IFFO2: variants seen among roughly 807,000 people sequenced by gnomAD.
IFFO2 encodes the protein intermediate filament family orphan 2.
IFFO2 carries 19 observed loss-of-function variants against 53.5 expected under a neutral mutation model. That is an observed-to-expected ratio of 0.36 (90% CI 0.25 to 0.52). The LOEUF is 0.52. Ranked by LOEUF, IFFO2 falls within the 20% of genes least tolerant of loss-of-function variation. The pLI is 0.94. For missense variants in IFFO2, 570 were observed against 727.4 expected (o/e 0.78, Z 2.49); for synonymous variants, 303 against 313.6 (o/e 0.97, Z 0.36).
At chr1:18,908,763 T>C (rs1355900996) in intron 8 of IFFO2, 97 bp from the exon 9 acceptor site, 1 of 849,768 alleles carries the variant, frequency 1.2e-6, no homozygotes, top group African/African-American at 1.7e-5. Context: ...CTATAAGATC[T>C]ACTCTCAGAG....
In IFFO2 at chr1:18,916,952, C is replaced by T. The variant is rs6675316; in HGVS notation, c.1054G>A (p.Val352Ile). Reference sequence around the variant, plus strand: ...TCATCGGTGATGTTCATGGAGCCGACCTCATCGTCCGAGAACCGGTTCACC... The same window carrying T: ...TCATCGGTGATGTTCATGGAGCCGATCTCATCGTCCGAGAACCGGTTCACC... ...GEVNRFSDDE[V>I]GSMNITDEMK... The change falls in exon 5 of 9, where the codon GTC (valine) becomes ATC (isoleucine). Residue 352 changes from valine (V) to isoleucine (I), a missense_variant. Transcript: ENST00000455833. This position sits in a 1 kb window ranked among gnomAD's most constrained non-coding sequence, Gnocchi z 4.3. The T allele has an allele frequency of 1.5e-3, 2,336 of 1,551,986 alleles. 35 individuals are homozygous for T. The African/African-American group carries it at 0.027, about 18-fold the overall frequency.
At chr1:18,944,578 C>T (rs185718253) in intron 1 of IFFO2, among the ~76,000 whole-genome samples, 39 of 152,256 alleles carry the variant, frequency 2.6e-4, no homozygotes, top group African/African-American at 9.4e-4. Flanking sequence ...GATGTCAAGA[C>T]CCTACCCCCA....
intron 1 of IFFO2, among the ~76,000 whole-genome samples, chr1:18,925,824 A>AT (rs1491587911): frequency 1.3e-5 from 1 of 74,668 alleles, no homozygotes; most frequent in African/African-American, 5.6e-5. Flanking sequence ...GGATGGATGG[A>AT]TGGATGGATG....
At position 18,955,570 on chromosome 1, in the gene IFFO2, C is replaced by T. The variant is rs540996426; in HGVS notation, c.665+98G>A. On this transcript the variant is annotated intron_variant, in intron 1 of 8. Coordinates refer to ENST00000455833, the MANE Select transcript of IFFO2 (RefSeq NM_001136265.2). ...ACAGCTTCCAGCCCACCTGCCAGTA[C>T]CAGCTGCCCGCCCGGCCCCCGTCCC... 361 of 1,441,224 alleles carry T rather than the reference C, an allele frequency of 2.5e-4. 1 individual carries two copies. The African/African-American group carries it at 4.7e-3, about 19-fold the overall frequency. 89.3% of individuals were successfully genotyped at this position (1,441,224 alleles called of 1,614,324 possible). A position where few individuals can be genotyped will look rare whatever the true frequency, so the allele number is the denominator to read the frequency against.
rs1321984793 is a variant in IFFO2 at position 18,906,467 on chromosome 1, A to C, written c.*2094T>G. 1 of 152,096 alleles carries C rather than the reference A, an allele frequency of 6.6e-6. No individual in the cohort carries two copies. The highest frequency in any genetic ancestry group is 6.5e-5 in the Admixed American group (1 of 15,270). 9.4% of individuals were successfully genotyped at this position (152,096 alleles called of 1,614,324 possible). On this transcript the variant is annotated 3_prime_UTR_variant, in exon 9 of 9. Coordinates refer to ENST00000455833, the MANE Select transcript of IFFO2 (RefSeq NM_001136265.2). ...GCTGCCCACGAAACTCCCATACCAC[A>C]TTGTCCAATGCCTCCCTCGGCCCTG...
rs974822773 is a variant in IFFO2 at position 18,912,101 on chromosome 1, G to A, written c.1104-18C>T. On this transcript the variant is annotated intron_variant, in intron 5 of 8. Coordinates refer to ENST00000455833, the MANE Select transcript of IFFO2 (RefSeq NM_001136265.2). ...TCTCCCGCCTGTGGGGGTGACACCA[G>A]AGGGCATGACTGAACAGAAGGCAGG... is the stretch of plus-strand genomic sequence containing the variant. 5 of 1,551,304 alleles carry A rather than the reference G, an allele frequency of 3.2e-6. No homozygotes were observed. In the African/African-American group the frequency reaches 5.5e-5, roughly 17 times the overall value.
At chr1:18,942,518 C>T (rs1325308619) in intron 1 of IFFO2, among the ~76,000 whole-genome samples, 1 of 152,184 alleles carries the variant, frequency 6.6e-6, no homozygotes, top group African/African-American at 2.4e-5. Flanking sequence ...AGATTGTCAT[C>T]CCCATTTTAC....
intron 1 of IFFO2, among the ~76,000 whole-genome samples, chr1:18,942,759 G>A (rs1249895811): frequency 6.6e-6 from 1 of 152,146 alleles, no homozygotes; most frequent in African/African-American, 2.4e-5. Context: ...GTTAATTCTG[G>A]CTCTGCCAGC....
rs1035362447 is a variant in IFFO2 at position 18,904,934 on chromosome 1, T to A, written c.*3627A>T. ...CTTCTGCTCCAGCTGCCTGACCACCTGGGACCCGCAAAGGCCCAGGCTCCA... is the reference window on the plus strand; with the variant it reads ...CTTCTGCTCCAGCTGCCTGACCACCAGGGACCCGCAAAGGCCCAGGCTCCA... On this transcript the variant is annotated 3_prime_UTR_variant, in exon 9 of 9. Coordinates refer to ENST00000455833, the MANE Select transcript of IFFO2 (RefSeq NM_001136265.2). 1 of 152,244 alleles carries A rather than the reference T, an allele frequency of 6.6e-6. No individual in the cohort carries two copies. The highest frequency in any genetic ancestry group is 1.5e-5 in the Non-Finnish European group (1 of 68,088). 9.4% of individuals were successfully genotyped at this position (152,244 alleles called of 1,614,324 possible).
chr1:18,914,607 A>G (rs897007625), intron 5 of IFFO2, among the ~76,000 whole-genome samples: 1 of 152,088 alleles, frequency 6.6e-6, no homozygotes, highest in African/African-American at 2.4e-5. Context: ...ACTTTAGGAC[A>G]GGAGTTTGAG....
rs1936210714 is a variant in IFFO2, at chr1:18,921,108, G to C, written c.679C>G (p.Leu227Val). ...DEYKRRWEEE[L>V]AKRMNLQTMV... ...GTCTGAAGGTTCATGCGCTTGGCGA[G>C]CTCCTCCTCCCACCTGCAAAAGCCA... The change falls in exon 2 of 9, where the codon CTC becomes GTC. Residue 227 changes from leucine (L) to valine (V), a missense_variant. Coordinates refer to ENST00000455833, the MANE Select transcript of IFFO2 (RefSeq NM_001136265.2). 1 of 1,551,928 alleles carries C rather than the reference G, an allele frequency of 6.4e-7. No individual in the cohort carries two copies.
chr1:18,934,838 G>T (rs1936424330), intron 1 of IFFO2, among the ~76,000 whole-genome samples: 1 of 152,182 alleles, frequency 6.6e-6, no homozygotes, highest in African/African-American at 2.4e-5. Flanking sequence ...GCAGGTGGCT[G>T]CAGGGCCACT....
chr1:18,938,633 C>T (rs1936479762), intron 1 of IFFO2, among the ~76,000 whole-genome samples: 1 of 152,184 alleles, frequency 6.6e-6, no homozygotes, highest in African/African-American at 2.4e-5. Flanking sequence ...GGCCTTGAGC[C>T]CATCCCTGCA....
At chr1:18,944,074 C>T (rs962676422) in intron 1 of IFFO2, among the ~76,000 whole-genome samples, 2 of 152,158 alleles carry the variant, frequency 1.3e-5, no homozygotes, top group African/African-American at 2.4e-5. Context: ...GGGTTCCGGC[C>T]CCTGCTCTGT....
rs1422816803 is a variant in IFFO2, at chr1:18,928,078, C to T, written c.666-6957G>A. 2.0e-5 allele frequency among the ~76,000 whole-genome samples: 3 copies of T among 152,220 alleles called. No homozygotes were observed. The highest frequency in any genetic ancestry group is 2.9e-5 in the Non-Finnish European group (2 of 68,032). On this transcript the variant is annotated intron_variant, in intron 1 of 8. Coordinates refer to ENST00000455833, the MANE Select transcript of IFFO2 (RefSeq NM_001136265.2). This position sits in a 1 kb window ranked among gnomAD's most constrained non-coding sequence, Gnocchi z 4.9. ...ACTGATGCACGTGTGGATGCCTTGCCTCCTGACTTTCTCTCCCACATGGCA... is the reference window on the plus strand; with the variant it reads ...ACTGATGCACGTGTGGATGCCTTGCTTCCTGACTTTCTCTCCCACATGGCA...
chr1:18,936,131 T>A lies in IFFO2; in HGVS notation c.666-15010A>T, dbSNP rs1015682570. 7.2e-5 allele frequency among the ~76,000 whole-genome samples: 11 copies of A among 152,070 alleles called. No homozygotes were observed. Among genetic ancestry groups the A allele is most frequent in the Admixed American group, 1.3e-4 (2 of 15,272 alleles). Reference sequence around the variant, plus strand: ...GATTAAAAAGGCCCAGTAAGTGTCATCTCCAGGGCCTTCTCTAGGAGATCC... The same window carrying A: ...GATTAAAAAGGCCCAGTAAGTGTCAACTCCAGGGCCTTCTCTAGGAGATCC... On this transcript the variant is annotated intron_variant, in intron 1 of 8. Transcript: ENST00000455833. This position sits in a 1 kb window ranked among gnomAD's most constrained non-coding sequence, Gnocchi z 4.5.
At position 18,918,551 on chromosome 1, in the gene IFFO2, T is replaced by C; in HGVS notation, c.823-49A>G. The C allele has an allele frequency of 6.5e-7, 1 of 1,540,336 alleles. No individual in the cohort carries two copies. The highest frequency in any genetic ancestry group is 8.8e-7 in the Non-Finnish European group (1 of 1,138,008). On this transcript the variant is annotated intron_variant, in intron 3 of 8. Transcript: ENST00000455833. The surrounding 1 kb of genome is among the most constrained non-coding windows in gnomAD (Gnocchi z 5.2). The stretch of plus-strand genomic sequence containing the variant: ...ACATGAGCGAGGGATGGAGCAAGCC[T>C]GGGGGGCTTGGCAGAGAGGTGGGGA...
intron 8 of IFFO2, among the ~76,000 whole-genome samples, 151 bp from the exon 9 acceptor site, chr1:18,908,817 T>A (rs1394114977): frequency 6.6e-6 from 1 of 152,116 alleles, no homozygotes; most frequent in Admixed American, 6.5e-5. Flanking sequence ...ATCCTTAAGA[T>A]CCTTTAAGCT....
At chr1:18,933,308 T>C (rs1936403719) in intron 1 of IFFO2, among the ~76,000 whole-genome samples, 1 of 152,188 alleles carries the variant, frequency 6.6e-6, no homozygotes, top group Non-Finnish European at 1.5e-5. Flanking sequence ...CCTCCGTCCA[T>C]GAGTGAAGGG....
Sources: gnomAD v4.1 joint callset for allele counts (sites outside exome capture counted in the v4.1 genomes callset) on GRCh38, gnomAD v4.1.1 for gene constraint, Gnocchi (gnomAD v3.1) non-coding constraint, MANE v1.5 for transcripts, NCBI Gene and HGNC (gene_info 2026-07-23, HGNC 2026-07-21) for gene names.